The following CRPPA variants were observed in gnomAD, a reference collection of about 807,000 sequenced individuals.
CRPPA encodes the protein D-ribitol-5-phosphate cytidylyltransferase.
CRPPA carries 43 observed loss-of-function variants against 52.0 expected under a neutral mutation model. That is an observed-to-expected ratio of 0.83 (90% confidence interval 0.65 to 1.07). CRPPA has a LOEUF of 1.07. Ranked by LOEUF, CRPPA falls within the 50% of genes least tolerant of loss-of-function variation. CRPPA has a pLI of 0.00. For missense variants in CRPPA, 629 were observed against 551.7 expected, an observed-to-expected ratio of 1.14 and a Z score of -1.40; for synonymous variants, 250 against 203.5, an observed-to-expected ratio of 1.23 and a Z score of -1.94.
chr7:16,371,043 A>T (rs1786735800), intron 3 of CRPPA, among the ~76,000 whole-genome samples: 1 of 152,172 alleles, frequency 6.6e-6, no homozygotes, highest in Non-Finnish European at 1.5e-5. Flanking sequence ...TGAGGCTATG[A>T]GGTAGATCGC....
intron 9 of CRPPA, among the ~76,000 whole-genome samples, chr7:16,139,298 G>C (rs186954048): frequency 1.3e-5 from 2 of 152,242 alleles, no homozygotes; most frequent in East Asian, 3.9e-4. Context: ...TTGCACAGCA[G>C]AGGTAACAAA....
intron 7 of CRPPA, among the ~76,000 whole-genome samples, 155 bp from the exon 8 acceptor site, chr7:16,258,637 G>A (rs895178783): frequency 6.6e-6 from 1 of 152,018 alleles, no homozygotes; most frequent in Admixed American, 6.6e-5. Flanking sequence ...TATCCATAAA[G>A]TTATACATGT....
intron 4 of CRPPA, among the ~76,000 whole-genome samples, chr7:16,302,189 G>A (rs923473983): frequency 3.3e-5 from 5 of 151,538 alleles, no homozygotes; most frequent in African/African-American, 7.2e-5. Context: ...CCAGCTACTC[G>A]GGAGGCTGAG....
intron 5 of CRPPA, among the ~76,000 whole-genome samples, chr7:16,294,643 T>C (rs1784634373): frequency 6.6e-6 from 1 of 151,916 alleles, no homozygotes; most frequent in Non-Finnish European, 1.5e-5. Context: ...TATAAAGAAG[T>C]TATGGTGTTA....
chr7:16,373,272 G>A (rs1786797327), intron 3 of CRPPA, among the ~76,000 whole-genome samples: 1 of 151,942 alleles, frequency 6.6e-6, no homozygotes, highest in Admixed American at 6.6e-5. Flanking sequence ...GTCTAGCCTG[G>A]GCAACAAGAG....
At chr7:16,121,555 G>C (rs544532942) in intron 9 of CRPPA, among the ~76,000 whole-genome samples, 1 of 152,044 alleles carries the variant, frequency 6.6e-6, no homozygotes, top group South Asian at 2.1e-4. Flanking sequence ...CCAGACAAAA[G>C]GTAGAAGTAA....
At chr7:16,195,087 T>A (rs563461114) in intron 9 of CRPPA, among the ~76,000 whole-genome samples, 1 of 152,070 alleles carries the variant, frequency 6.6e-6, no homozygotes, top group Non-Finnish European at 1.5e-5. Context: ...CTTTTTATAA[T>A]ATACAATTCA....
intron 3 of CRPPA, among the ~76,000 whole-genome samples, chr7:16,354,813 G>C (rs746056311): frequency 9.9e-5 from 15 of 152,076 alleles, no homozygotes; most frequent in Non-Finnish European, 2.1e-4. Context: ...AATAGAGTTA[G>C]TCATCTTTTT....
intron 6 of CRPPA, among the ~76,000 whole-genome samples, chr7:16,265,358 C>T (rs1250651265): frequency 6.6e-6 from 1 of 152,202 alleles, no homozygotes; most frequent in Non-Finnish European, 1.5e-5. Context: ...ATCCCTATCT[C>T]TTATCACACA....
intron 3 of CRPPA, among the ~76,000 whole-genome samples, chr7:16,353,902 G>A (rs1375377523): frequency 1.3e-5 from 2 of 151,950 alleles, no homozygotes; most frequent in African/African-American, 4.8e-5. Context: ...CAATAATTCA[G>A]GTGATGGGTA....
chr7:16,156,260 C>A (rs1269605109), intron 9 of CRPPA, among the ~76,000 whole-genome samples: 1 of 152,106 alleles, frequency 6.6e-6, no homozygotes, highest in African/African-American at 2.4e-5. Flanking sequence ...TAGCTAATAA[C>A]TGTCACTGTT....
At chr7:16,341,012 A>ACTGTGTGAT (rs950583306) in intron 3 of CRPPA, among the ~76,000 whole-genome samples, 2 of 152,178 alleles carry the variant, frequency 1.3e-5, no homozygotes, top group African/African-American at 2.4e-5. Context: ...AAGGTTATAT[A>ACTGTGTGAT]CTGTGTGATT....
At chr7:16,189,750 T>C (rs1447780454) in intron 9 of CRPPA, among the ~76,000 whole-genome samples, 2 of 152,170 alleles carry the variant, frequency 1.3e-5, no homozygotes, top group Non-Finnish European at 2.9e-5. Flanking sequence ...AGACTAGCAG[T>C]AATCACAGAG....
At chr7:16,176,057 C>G (rs1371899940) in intron 9 of CRPPA, among the ~76,000 whole-genome samples, 1 of 152,074 alleles carries the variant, frequency 6.6e-6, no homozygotes, top group African/African-American at 2.4e-5. Context: ...TTATGAAGAA[C>G]TGTGGTTAGA....
intron 2 of CRPPA, among the ~76,000 whole-genome samples, chr7:16,403,013 A>G (rs889224809): frequency 1.3e-5 from 2 of 152,226 alleles, no homozygotes; most frequent in Non-Finnish European, 2.9e-5. Flanking sequence ...AAAATAAATT[A>G]TCTAAGCATT....
chr7:16,289,866 G>T (rs1436135279), intron 5 of CRPPA, among the ~76,000 whole-genome samples: 1 of 151,920 alleles, frequency 6.6e-6, no homozygotes, highest in Non-Finnish European at 1.5e-5. Flanking sequence ...CATCCAAAAT[G>T]GCAAAGAAAT....
intron 9 of CRPPA, among the ~76,000 whole-genome samples, chr7:16,203,605 G>C (rs1351523032): frequency 1.3e-5 from 2 of 152,054 alleles, no homozygotes; most frequent in East Asian, 3.9e-4. Flanking sequence ...AAATTATTGG[G>C]TATAGATAGG....
chr7:16,128,838 A>G (rs1487705480), intron 9 of CRPPA, among the ~76,000 whole-genome samples: 1 of 152,192 alleles, frequency 6.6e-6, no homozygotes, highest in African/African-American at 2.4e-5. Context: ...GGGCTAAGGT[A>G]TAAAATGAGT....
chr7:16,418,364 C>A (rs1788244963), intron 1 of CRPPA, among the ~76,000 whole-genome samples: 1 of 152,162 alleles, frequency 6.6e-6, no homozygotes, highest in Non-Finnish European at 1.5e-5. Flanking sequence ...AAGTAGAAGA[C>A]AAACGTTTTA....
Sources: allele counts gnomAD v4.1 joint callset (sites outside exome capture counted in the v4.1 genomes callset), GRCh38; gene constraint gnomAD v4.1.1; transcripts MANE v1.5; gene names NCBI Gene and HGNC (gene_info 2026-07-23, HGNC 2026-07-21).